The following GAN variants were observed in gnomAD, a reference collection of about 807,000 sequenced individuals.
GAN encodes the protein epididymis secretory sperm binding protein.
Under a neutral mutation model 71.3 loss-of-function variants are expected in GAN, and 48 were observed. The observed-to-expected ratio is 0.67, with a 90% CI of 0.53 to 0.86. The LOEUF (loss-of-function observed/expected upper bound fraction) is 0.86. Among genes scored for constraint, GAN ranks in the 40% least tolerant of loss-of-function variants. The probability of loss-of-function intolerance (pLI) is 0.00; values close to 1 mark genes in which losing one functional copy is unlikely to be tolerated. For missense variants in GAN, 928 were observed against 770.1 expected, an observed-to-expected ratio of 1.21 and a Z score of -2.43; for synonymous variants, 386 against 276.8, an observed-to-expected ratio of 1.39 and a Z score of -3.92.
intron 2 of GAN, 24 bp downstream of exon 2, chr16:81,351,721 A>C (rs1214183816): frequency 3.7e-6 from 4 of 1,075,768 alleles, no homozygotes; most frequent in South Asian, 2.5e-5. Context: ...CAAAGGAAGG[A>C]AGACCTAAGT....
chr16:81,355,787 T>A (rs1910465826), intron 3 of GAN, among the ~76,000 whole-genome samples: 1 of 152,232 alleles, frequency 6.6e-6, no homozygotes, highest in Non-Finnish European at 1.5e-5. Context: ...CTGTTAATTG[T>A]TCTTGTAAGT....
Position 81,377,506 on chromosome 16 carries a change from A to G in GAN, c.1704A>G (p.Thr568=). The G allele has an allele frequency of 6.2e-7, 1 of 1,614,154 alleles. No individual in the cohort carries two copies. Among genetic ancestry groups the G allele is most frequent in the Non-Finnish European group, 8.5e-7 (1 of 1,179,966 alleles). ...KPLLPSDLRR[T]GCAALRIANC... The stretch of plus-strand genomic sequence containing the variant: ...TCCTTCCATCCGACCTTCGCCGTAC[A>G]GGATGTGCAGCCTTACGCATTGCGA... The change falls in exon 11 of 11, where the codon ACA becomes ACG. Residue 568 remains threonine, a synonymous_variant. Transcript: ENST00000648994.
chr16:81,377,522 C>T lies in GAN; in HGVS notation c.1720C>T (p.Arg574Cys), dbSNP rs1567501486. ...TCGCCGTACAGGATGTGCAGCCTTA[C>T]GCATTGCGAATTGCAAGCTTTTCCG... The part of the protein sequence containing the change: ...DLRRTGCAAL[R>C]IANCKLFRLQ... Residue 574 changes from arginine to cysteine, a missense_variant, in exon 11 of 11, where the codon CGC becomes TGC. Physicochemically the swap from Arg to Cys is radical, Grantham distance 180. Transcript: ENST00000648994. The T allele has an allele frequency of 1.9e-6, 3 of 1,614,092 alleles. No individual in the cohort carries two copies. The highest frequency in any genetic ancestry group is 1.7e-6 in the Non-Finnish European group (2 of 1,179,926).
At chr16:81,350,183 A>T (rs1910251887) in intron 1 of GAN, among the ~76,000 whole-genome samples, 1 of 152,222 alleles carries the variant, frequency 6.6e-6, no homozygotes, top group Admixed American at 6.5e-5. Context: ...ATGTGAGGAC[A>T]GTTAGTGAAA....
In GAN at chr16:81,388,677, A is replaced by G. The variant is rs1036084581; in HGVS notation, c.*11081A>G. 1.3e-5 allele frequency: 2 copies of G among 152,382 alleles called. No homozygotes were observed. The highest frequency in any genetic ancestry group is 2.9e-5 in the Non-Finnish European group (2 of 68,180). 9.4% of individuals were successfully genotyped at this position (152,382 alleles called of 1,614,324 possible). A position where few individuals can be genotyped will look rare whatever the true frequency, so the allele number is the denominator to read the frequency against. On this transcript the variant is annotated 3_prime_UTR_variant, in exon 11 of 11. Transcript: ENST00000648994. ...CCTCTTGTGTGACAGGCCCTCTGCC[A>G]TGTCTGTCCGCAGAGCCGGGTGGGG...
intron 1 of GAN, among the ~76,000 whole-genome samples, chr16:81,327,252 G>A (rs1214375085): frequency 2.0e-5 from 3 of 152,192 alleles, no homozygotes. Context: ...ATTTTGGAAG[G>A]CATTTTCAGC....
At chr16:81,361,896 T>C (rs1368370906) in intron 5 of GAN, among the ~76,000 whole-genome samples, 2 of 152,178 alleles carry the variant, frequency 1.3e-5, no homozygotes, top group African/African-American at 4.8e-5. Context: ...AGTCTTGCTG[T>C]GTTGCCTCCT....
At chr16:81,359,706 C>T (rs11644736) in intron 5 of GAN, among the ~76,000 whole-genome samples, 21,785 of 152,068 alleles carry the variant, frequency 0.14, 2,618 homozygotes, top group East Asian at 0.61. Flanking sequence ...TCCAAGACCC[C>T]CGAGTGGTTG....
At chr16:81,364,852 T>C in intron 7 of GAN, 122 bp from the exon 8 acceptor site, 2 of 948,556 alleles carry the variant, frequency 2.1e-6, no homozygotes, top group Non-Finnish European at 3.4e-6. Flanking sequence ...ACCATCGTTT[T>C]ACGGTTAGAA....
chr16:81,328,539 C>G (rs547407654), intron 1 of GAN, among the ~76,000 whole-genome samples: 19 of 152,188 alleles, frequency 1.2e-4, no homozygotes, highest in Middle Eastern at 3.4e-3. Context: ...ACTTTGGAGA[C>G]TATATCCCAG....
intron 1 of GAN, among the ~76,000 whole-genome samples, chr16:81,323,311 T>TG (rs1261392948): frequency 2.0e-5 from 3 of 152,232 alleles, no homozygotes; most frequent in Non-Finnish European, 1.5e-5. Flanking sequence ...AAAATTACAA[T>TG]GCCTGCTGTT....
chr16:81,335,944 GC>G (rs1567483536), intron 1 of GAN, among the ~76,000 whole-genome samples: 1 of 152,142 alleles, frequency 6.6e-6, no homozygotes, highest in African/African-American at 2.4e-5. Flanking sequence ...GGTGCCCCAT[GC>G]GGGTTCCTGC....
intron 1 of GAN, among the ~76,000 whole-genome samples, chr16:81,344,955 C>G (rs1347726121): frequency 6.6e-6 from 1 of 152,178 alleles, no homozygotes; most frequent in Admixed American, 6.5e-5. Flanking sequence ...TATGAACAGT[C>G]ACTTCTCAAA....
Position 81,382,421 on chromosome 16 carries a change from G to A in GAN, c.*4825G>A, listed in dbSNP as rs142895895. 3.9e-5 allele frequency: 6 copies of A among 152,222 alleles called. No homozygotes were observed. Among genetic ancestry groups the A allele is most frequent in the African/African-American group, 1.4e-4 (6 of 41,462 alleles). 9.4% of individuals were successfully genotyped at this position (152,222 alleles called of 1,614,324 possible). ...TTCTTTGTTAGTTAGCTATAGGAAG[G>A]TTAAGAATTTATTTACTAAGGTCGT... is the stretch of plus-strand genomic sequence containing the variant. On this transcript the variant is annotated 3_prime_UTR_variant, in exon 11 of 11. Coordinates refer to ENST00000648994, the MANE Select transcript of GAN (RefSeq NM_022041.4).
chr16:81,379,432 GC>G lies in GAN; in HGVS notation c.*1838del, dbSNP rs1175781500. On this transcript the variant is annotated 3_prime_UTR_variant, in exon 11 of 11. Coordinates refer to ENST00000648994, the MANE Select transcript of GAN (RefSeq NM_022041.4). Reference sequence around the variant, plus strand: ...ATGCCAGAGGCACCAGGCCAGATGTGCCGCACAGTCATGTAATTCAATCATG... The same window carrying G: ...ATGCCAGAGGCACCAGGCCAGATGTGCGCACAGTCATGTAATTCAATCATG... 6.6e-6 allele frequency: 1 copy of G among 152,168 alleles called. No homozygotes were observed. Among genetic ancestry groups the G allele is most frequent in the Admixed American group, 6.5e-5 (1 of 15,282 alleles). 9.4% of individuals were successfully genotyped at this position (152,168 alleles called of 1,614,324 possible). A position where few individuals can be genotyped will look rare whatever the true frequency, so the allele number is the denominator to read the frequency against.
At chr16:81,358,204 A>G (rs1279054399) in intron 5 of GAN, among the ~76,000 whole-genome samples, 5 of 152,226 alleles carry the variant, frequency 3.3e-5, no homozygotes, top group Non-Finnish European at 7.3e-5. Context: ...AACTTCAGTG[A>G]TGCTTACCAC....
intron 1 of GAN, among the ~76,000 whole-genome samples, chr16:81,328,468 T>C (rs1909461183): frequency 6.6e-6 from 1 of 152,240 alleles, no homozygotes; most frequent in Non-Finnish European, 1.5e-5. Flanking sequence ...GATGACACCA[T>C]AAACAAATCA....
At chr16:81,346,567 A>C (rs11863424) in intron 1 of GAN, among the ~76,000 whole-genome samples, 300 of 152,294 alleles carry the variant, frequency 2.0e-3, no homozygotes, top group African/African-American at 6.9e-3. Flanking sequence ...TCCTTGTGAG[A>C]ATCTAATGCC....
chr16:81,353,784 A>C (rs923319955), intron 2 of GAN, among the ~76,000 whole-genome samples: 2 of 152,118 alleles, frequency 1.3e-5, no homozygotes, highest in East Asian at 3.9e-4. Flanking sequence ...GTAGATGTTC[A>C]TAATGAGAAA....
Sources: allele counts gnomAD v4.1 joint callset (sites outside exome capture counted in the v4.1 genomes callset), GRCh38; gene constraint gnomAD v4.1.1; transcripts MANE v1.5; gene names NCBI Gene and HGNC (gene_info 2026-07-23, HGNC 2026-07-21).